Variants in C1orf94 observed in about 807,000 individuals in gnomAD.
C1orf94 encodes chromosome 1 open reading frame 94.
Under a neutral mutation model 53.6 loss-of-function variants are expected in C1orf94, and 45 were observed. That is an observed-to-expected ratio of 0.84 (90% CI 0.66 to 1.08). The LOEUF is 1.08. C1orf94 is among the 50% of genes least tolerant of loss of function. The probability of loss-of-function intolerance (pLI) is 0.00; values close to 1 mark genes in which losing one functional copy is unlikely to be tolerated. For missense variants in C1orf94, 762 were observed against 738.9 expected (o/e 1.03, Z -0.36); for synonymous variants, 304 against 296.1 (o/e 1.03, Z -0.27).
chr1:34,176,838 TG>T (rs1642232618), upstream of C1orf94, among the ~76,000 whole-genome samples: 1 of 152,150 alleles, frequency 6.6e-6, no homozygotes, highest in African/African-American at 2.4e-5. Context: ...CGAAGCGCTC[TG>T]GGGTCCTTTG....
At chr1:34,218,644 AT>A in intron 6 of C1orf94, 41 bp from the exon 7 acceptor site, 1 of 1,518,218 alleles carries the variant, frequency 6.6e-7, no homozygotes. Flanking sequence ...CTCCGATAAC[AT>A]TAGGAATCTC....
chr1:34,202,127 C>T lies in C1orf94; in HGVS notation c.1314C>T (p.Tyr438=), dbSNP rs377265826. The change falls in exon 4 of 7, where the codon TAC becomes TAT. Residue 438 remains tyrosine (Y), a synonymous_variant. Coordinates refer to ENST00000488417, the MANE Select transcript of C1orf94 (RefSeq NM_001134734.2). The stretch of plus-strand genomic sequence containing the variant: ...TTGCTGACAAGAACAACCCGAAGTA[C>T]ACAGGGAATGTTTTCACTCCACACT... The part of the protein sequence containing the change: ...VTVADKNNPK[Y]TGNVFTPHFP... 1,146 of 1,614,188 alleles carry T rather than the reference C, an allele frequency of 7.1e-4. 15 individuals are homozygous for T. The South Asian group carries it at 0.012, about 16-fold the overall frequency.
At chr1:34,207,881 A>C (rs766483680) in intron 4 of C1orf94, among the ~76,000 whole-genome samples, 48 of 152,330 alleles carry the variant, frequency 3.2e-4, no homozygotes, top group Middle Eastern at 3.4e-3. Context: ...ACAGCCACTA[A>C]AACACAGATC....
intron 4 of C1orf94, among the ~76,000 whole-genome samples, chr1:34,207,137 G>C (rs1642809485): frequency 6.6e-6 from 1 of 152,176 alleles, no homozygotes; most frequent in Admixed American, 6.5e-5. Flanking sequence ...GATCTTCTGA[G>C]AAGATGTCCT....
At chr1:34,213,463 G>A (rs1445282305) in intron 6 of C1orf94, among the ~76,000 whole-genome samples, 1 of 152,076 alleles carries the variant, frequency 6.6e-6, no homozygotes, top group African/African-American at 2.4e-5. Flanking sequence ...ATTTCCTAGG[G>A]TGCACGGAGA....
rs115777542 is a variant in C1orf94, at chr1:34,205,075, C to T, written c.1446+2816C>T. Among the ~76,000 whole-genome samples the T allele has an allele frequency of 2.2e-3, 330 of 152,310 alleles. 1 individual carries two copies. Among genetic ancestry groups the T allele is most frequent in the African/African-American group, 7.6e-3 (314 of 41,578 alleles). ...GCTTTATTAAGTGGGGATAGCATCTCTTTGCTATGTTAATTTCTTCTGACT... is the reference window on the plus strand; with the variant it reads ...GCTTTATTAAGTGGGGATAGCATCTTTTTGCTATGTTAATTTCTTCTGACT... On this transcript the variant is annotated intron_variant, in intron 4 of 6. Transcript: ENST00000488417.
intron 1 of C1orf94, among the ~76,000 whole-genome samples, chr1:34,168,395 G>A (rs1432721534): frequency 6.6e-6 from 1 of 152,056 alleles, no homozygotes; most frequent in East Asian, 1.9e-4. Context: ...AAAGGAAAGG[G>A]GGCCAGGAGG....
rs1171536743 is a variant in C1orf94, at chr1:34,177,609, C to A, written c.-181C>A. The A allele has an allele frequency of 7.2e-6, 4 of 555,152 alleles. No homozygotes were observed. The East Asian group carries it at 1.1e-4, about 16-fold the overall frequency. 34.4% of individuals were successfully genotyped at this position (555,152 alleles called of 1,614,324 possible). On this transcript the variant is annotated 5_prime_UTR_variant, in exon 1 of 7. Coordinates refer to ENST00000488417, the MANE Select transcript of C1orf94 (RefSeq NM_001134734.2). The stretch of plus-strand genomic sequence containing the variant: ...GGGAGAGGGGGAGGGAGGCAAAAGT[C>A]AGGAAAGAGCAAATAAAAACAAATC...
rs546386051 is a variant in C1orf94, at chr1:34,167,560, C to T, written c.-251+389C>T. Among the ~76,000 whole-genome samples the T allele has an allele frequency of 2.6e-4, 39 of 151,738 alleles. No homozygotes were observed. The South Asian group carries it at 6.7e-3, about 26-fold the overall frequency. On this transcript the variant is annotated intron_variant, in intron 1 of 6. Transcript: ENST00000373374. ...CAAAAGGCCCAGTTACTCACATCCT[C>T]CGCCATTCCTGCTCTCTGATCTATT...
chr1:34,189,224 G>T (rs1001923088), intron 1 of C1orf94, among the ~76,000 whole-genome samples: 3 of 152,060 alleles, frequency 2.0e-5, no homozygotes, highest in Non-Finnish European at 1.5e-5. Context: ...GTATATTTGT[G>T]TGCATGGCTG....
chr1:34,203,620 G>C (rs1642749090), intron 4 of C1orf94, among the ~76,000 whole-genome samples: 1 of 152,134 alleles, frequency 6.6e-6, no homozygotes, highest in Non-Finnish European at 1.5e-5. Flanking sequence ...TCTTAGCTTT[G>C]TACCAACCAA....
intron 1 of C1orf94, among the ~76,000 whole-genome samples, chr1:34,170,457 C>T (rs1023906387): frequency 1.4e-4 from 22 of 152,106 alleles, no homozygotes; most frequent in African/African-American, 5.3e-4. Context: ...ACAGAGTGGG[C>T]CAGCTCAGGG....
At chr1:34,196,002 G>T (rs1226783178) in intron 1 of C1orf94, among the ~76,000 whole-genome samples, 1 of 152,086 alleles carries the variant, frequency 6.6e-6, no homozygotes, top group Non-Finnish European at 1.5e-5. Flanking sequence ...TTTTCCCTTG[G>T]GTCTTCATCA....
At chr1:34,169,881 G>GA (rs1194350106) in intron 1 of C1orf94, among the ~76,000 whole-genome samples, 1 of 152,246 alleles carries the variant, frequency 6.6e-6, no homozygotes, top group African/African-American at 2.4e-5. Context: ...GCTTCATGAG[G>GA]AAAAAGCCCA....
intron 4 of C1orf94, among the ~76,000 whole-genome samples, chr1:34,207,814 A>G (rs1315748835): frequency 6.6e-6 from 1 of 152,218 alleles, no homozygotes; most frequent in East Asian, 1.9e-4. Flanking sequence ...GCCTGAGCAC[A>G]TGCAATTTTT....
At chr1:34,198,794 G>C (rs1031672775) in intron 2 of C1orf94, among the ~76,000 whole-genome samples, 2 of 152,228 alleles carry the variant, frequency 1.3e-5, no homozygotes, top group Non-Finnish European at 2.9e-5. Flanking sequence ...GGAAGGCCAA[G>C]GAATCAGAGC....
chr1:34,172,344 C>T (rs1642157430), upstream of C1orf94, among the ~76,000 whole-genome samples: 2 of 152,210 alleles, frequency 1.3e-5, no homozygotes, highest in African/African-American at 4.8e-5. Flanking sequence ...GCTAGGCTCT[C>T]AATAACAATA....
chr1:34,174,761 C>T (rs1451375743), upstream of C1orf94, among the ~76,000 whole-genome samples: 2 of 152,214 alleles, frequency 1.3e-5, no homozygotes, highest in Non-Finnish European at 2.9e-5. Flanking sequence ...TTAAGCCACA[C>T]AGTCTGTGGA....
At chr1:34,193,440 A>T (rs1642530754) in intron 1 of C1orf94, among the ~76,000 whole-genome samples, 1 of 152,210 alleles carries the variant, frequency 6.6e-6, no homozygotes, top group African/African-American at 2.4e-5. Flanking sequence ...ATGATCCTCC[A>T]CAGGCTGGAG....
Sources: allele counts gnomAD v4.1 joint callset (sites outside exome capture counted in the v4.1 genomes callset), GRCh38; gene constraint gnomAD v4.1.1; transcripts MANE v1.5; gene names NCBI Gene and HGNC (gene_info 2026-07-23, HGNC 2026-07-21).